Variants in ELAVL2 observed in about 807,000 individuals in gnomAD.
ELAVL2 encodes ELAV like RNA binding protein 2, also known as ELAV-like protein 2.
A neutral mutation model predicts 34.6 loss-of-function variants in ELAVL2; 4 were observed. The observed-to-expected ratio is 0.12, with a 90% CI of 0.06 to 0.26. The LOEUF is 0.26. Among genes scored for constraint, ELAVL2 ranks in the 10% least tolerant of loss-of-function variants. The pLI, the probability that ELAVL2 is intolerant of heterozygous loss-of-function variation, is 1.00. For synonymous variants in ELAVL2, 193 were observed against 154.8 expected (o/e 1.25, Z -1.83); for missense variants, 432 against 442.8 (o/e 0.98, Z 0.22).
chr9:23,756,606 C>G (rs1179434524), intron 2 of ELAVL2, among the ~76,000 whole-genome samples: 1 of 152,090 alleles, frequency 6.6e-6, no homozygotes, highest in African/African-American at 2.4e-5. Context: ...AGCAACATAT[C>G]AGATCAGTAA....
In ELAVL2 at chr9:23,782,411, C is replaced by CA. The variant is rs3838729; in HGVS notation, c.-15-20163dup. 1.9e-3 allele frequency among the ~76,000 whole-genome samples: 280 copies of CA among 145,528 alleles called. 1 individual carries two copies. The highest frequency in any genetic ancestry group is 0.018 in the Middle Eastern group (5 of 280). Reference sequence around the variant, plus strand: ...TTAAAAATACAAAAAATTAAAAATACAAAAAAAAAAATTACAGGCGTGTGG... The same window carrying CA: ...TTAAAAATACAAAAAATTAAAAATACAAAAAAAAAAAATTACAGGCGTGTGG... On this transcript the variant is annotated intron_variant, in intron 1 of 6. Coordinates refer to ENST00000397312, the MANE Select transcript of ELAVL2 (RefSeq NM_004432.5).
chr9:23,702,603 A>C (rs1010829936), intron 4 of ELAVL2, among the ~76,000 whole-genome samples: 3 of 151,884 alleles, frequency 2.0e-5, no homozygotes, highest in African/African-American at 4.8e-5. Flanking sequence ...AAAAAGAAAG[A>C]AGGTCTACTT....
At position 23,755,025 on chromosome 9, in the gene ELAVL2, C is replaced by T. The variant is rs1043905133; in HGVS notation, c.229+6981G>A. On this transcript the variant is annotated intron_variant, in intron 2 of 6. Transcript: ENST00000397312. ...TACTTACCCCTACATATTTTCTGAA[C>T]GCTTCCCCATGATTTCCTATTCCGC... 1.3e-4 allele frequency among the ~76,000 whole-genome samples: 20 copies of T among 152,222 alleles called. 1 individual carries two copies. Among genetic ancestry groups the T allele is most frequent in the South Asian group, 2.1e-4 (1 of 4,824 alleles).
intron 5 of ELAVL2, among the ~76,000 whole-genome samples, chr9:23,693,731 G>T (rs143479561): frequency 2.2e-4 from 33 of 152,302 alleles, no homozygotes; most frequent in Non-Finnish European, 4.3e-4. Flanking sequence ...GTCATCTGAG[G>T]ATACCTTTCA....
chr9:23,762,034 G>T lies in ELAVL2; in HGVS notation c.201C>A (p.Ser67=). ...SLFGSIGEIE[S]CKLVRDKITG... ...TTATTTTGTCTCTTACAAGCTTACA[G>T]GACTCTATTTCACCAATGCTCCCAA... The change falls in exon 2 of 7, where the codon TCC becomes TCA. Residue 67 remains serine, a synonymous_variant. Transcript: ENST00000397312. 6.2e-7 allele frequency: 1 copy of T among 1,613,014 alleles called. No individual in the cohort carries two copies. Among genetic ancestry groups the T allele is most frequent in the Non-Finnish European group, 8.5e-7 (1 of 1,179,364 alleles).
the ELAVL2 span, among the ~76,000 whole-genome samples, chr9:23,832,709 A>G: frequency 6.6e-6 from 1 of 152,198 alleles, no homozygotes; most frequent in Non-Finnish European, 1.5e-5. Context: ...CCGACAACAC[A>G]TAGTTAATAC....
chr9:23,789,337 G>A (rs1359717423), intron 1 of ELAVL2, among the ~76,000 whole-genome samples: 1 of 152,078 alleles, frequency 6.6e-6, no homozygotes, highest in African/African-American at 2.4e-5. Flanking sequence ...CTACTGAAGT[G>A]ACCGTCATTT....
chr9:23,700,921 A>G (rs1197837876), intron 5 of ELAVL2, among the ~76,000 whole-genome samples: 1 of 152,142 alleles, frequency 6.6e-6, no homozygotes, highest in East Asian at 1.9e-4. Context: ...GAAACAATTC[A>G]GATAACCCCA....
intron 3 of ELAVL2, among the ~76,000 whole-genome samples, chr9:23,718,815 G>C (rs138335604): frequency 3.5e-4 from 54 of 152,268 alleles, no homozygotes; most frequent in African/African-American, 1.3e-3. Flanking sequence ...AATAACCATA[G>C]GGAAAGCTTT....
At chr9:23,821,901 G>C (rs1280112594) in intron 1 of ELAVL2, 1 of 151,178 alleles carries the variant, frequency 6.6e-6, no homozygotes, top group Non-Finnish European at 1.5e-5. Flanking sequence ...GGCGGGGCCG[G>C]CGGCGAGTTC....
intron 3 of ELAVL2, among the ~76,000 whole-genome samples, chr9:23,726,688 G>A (rs796185192): frequency 2.6e-4 from 40 of 152,174 alleles, no homozygotes; most frequent in African/African-American, 9.1e-4. Context: ...GAGGAGGGAG[G>A]AAGTCTACAC....
intron 1 of ELAVL2, among the ~76,000 whole-genome samples, chr9:23,771,357 C>CA (rs2057272657): frequency 6.6e-6 from 1 of 151,982 alleles, no homozygotes; most frequent in Non-Finnish European, 1.5e-5. Flanking sequence ...ACTAAGAACA[C>CA]AAGATGAATA....
intron 3 of ELAVL2, among the ~76,000 whole-genome samples, chr9:23,729,829 T>C (rs1361702763): frequency 2.0e-5 from 3 of 152,036 alleles, no homozygotes; most frequent in Non-Finnish European, 2.9e-5. Context: ...CTGGTAATTC[T>C]AAGAAAAGCA....
At chr9:23,846,422 G>GT in the ELAVL2 span, among the ~76,000 whole-genome samples, 2 of 151,890 alleles carry the variant, frequency 1.3e-5, no homozygotes, top group East Asian at 3.8e-4. Context: ...ATTACCAAAT[G>GT]TAAGTGTAAT....
At chr9:23,794,067 G>C (rs1023972755) in intron 1 of ELAVL2, among the ~76,000 whole-genome samples, 1 of 152,198 alleles carries the variant, frequency 6.6e-6, no homozygotes, top group Non-Finnish European at 1.5e-5. Flanking sequence ...AAGAGCTTTA[G>C]TTCTTTCATC....
chr9:23,773,314 C>A (rs543293841), intron 1 of ELAVL2, among the ~76,000 whole-genome samples: 19 of 152,268 alleles, frequency 1.2e-4, no homozygotes, highest in Non-Finnish European at 2.5e-4. Flanking sequence ...GGCACATACA[C>A]CCAATTTCGA....
intron 2 of ELAVL2, among the ~76,000 whole-genome samples, chr9:23,747,324 ATTGT>A (rs993822887): frequency 3.9e-5 from 6 of 152,236 alleles, no homozygotes; most frequent in South Asian, 2.1e-4. Context: ...AAACTTATGG[ATTGT>A]TTATTTCTGG....
At chr9:23,780,387 CTT>C (rs2058900190) in intron 1 of ELAVL2, among the ~76,000 whole-genome samples, 1 of 152,094 alleles carries the variant, frequency 6.6e-6, no homozygotes, top group African/African-American at 2.4e-5. Flanking sequence ...GTTATTAACT[CTT>C]AAGATAAATT....
chr9:23,834,781 T>A, the ELAVL2 span, among the ~76,000 whole-genome samples: 1 of 152,070 alleles, frequency 6.6e-6, no homozygotes, highest in Non-Finnish European at 1.5e-5. Context: ...ATCTGCCCTG[T>A]TATGTGACTT....
Sources: allele counts gnomAD v4.1 joint callset (sites outside exome capture counted in the v4.1 genomes callset), GRCh38; gene constraint gnomAD v4.1.1; transcripts MANE v1.5; gene names NCBI Gene and HGNC (gene_info 2026-07-23, HGNC 2026-07-21).